The following CFAP54 variants were observed in gnomAD, a reference collection of about 807,000 sequenced individuals.
CFAP54 encodes the protein cilia and flagella associated protein 54.
A neutral mutation model predicts 370.4 loss-of-function variants in CFAP54; 290 were observed. The observed-to-expected ratio is 0.78, with a 90% confidence interval of 0.71 to 0.86. The LOEUF (loss-of-function observed/expected upper bound fraction) is 0.86, where lower values mean the gene tolerates loss of function less well. Ranked by LOEUF, CFAP54 falls within the 40% of genes least tolerant of loss-of-function variation. The pLI, the probability that CFAP54 is intolerant of heterozygous loss-of-function variation, is 0.00. For synonymous variants in CFAP54, 1,206 were observed against 1,236.5 expected (o/e 0.98, Z 0.52); for missense variants, 3,399 against 3,528.7 (o/e 0.96, Z 0.93).
At chr12:96,774,777 G>A (rs1958499216) in intron 60 of CFAP54, among the ~76,000 whole-genome samples, 1 of 151,832 alleles carries the variant, frequency 6.6e-6, no homozygotes, top group Admixed American at 6.6e-5. Context: ...CATCCCTTAG[G>A]GTGTTTTAAC....
At chr12:96,729,064 A>G (rs1255320281) in intron 50 of CFAP54, among the ~76,000 whole-genome samples, 2 of 152,112 alleles carry the variant, frequency 1.3e-5, no homozygotes, top group East Asian at 1.9e-4. Flanking sequence ...GTACCCGGCC[A>G]TGTGAGGTGT....
rs1045949002 is a variant in CFAP54, at chr12:96,512,991, A to G, written c.745A>G (p.Ile249Val). 4.8e-5 allele frequency: 73 copies of G among 1,516,314 alleles called. No individual in the cohort carries two copies. Among genetic ancestry groups the G allele is most frequent in the Middle Eastern group, 1.7e-4 (1 of 5,960 alleles). 93.9% of individuals were successfully genotyped at this position (1,516,314 alleles called of 1,614,324 possible). Reference protein sequence around the residue: ...HLCWIIFNGTIYIYTICRKLM... With the variant: ...HLCWIIFNGTVYIYTICRKLM... ...CAATCGTTTTCTCCATCCAGGTACC[A>G]TTTATATTTACACCATTTGCAGAAA... is the stretch of plus-strand genomic sequence containing the variant. The change falls in exon 5 of 68, where the codon ATT becomes GTT. Residue 249 changes from isoleucine to valine, a missense_variant. By Grantham distance (29) the Ile-to-Val change is conservative. Coordinates refer to ENST00000524981, the MANE Select transcript of CFAP54 (RefSeq NM_001306084.2).
At chr12:96,574,194 CCA>C (rs1404884972) in intron 19 of CFAP54, among the ~76,000 whole-genome samples, 1 of 152,190 alleles carries the variant, frequency 6.6e-6, no homozygotes, top group Admixed American at 6.5e-5. Context: ...GATCCTATCT[CCA>C]GTTTTTTACC....
chr12:96,577,526 A>G (rs1268523636), intron 20 of CFAP54, among the ~76,000 whole-genome samples: 1 of 152,110 alleles, frequency 6.6e-6, no homozygotes, highest in African/African-American at 2.4e-5. Flanking sequence ...AGTTATGTCA[A>G]CTTGGTATAG....
At chr12:96,626,507 G>T (rs1956550725) in intron 29 of CFAP54, among the ~76,000 whole-genome samples, 2 of 152,030 alleles carry the variant, frequency 1.3e-5, no homozygotes. Context: ...AGGATTACTA[G>T]TTATGATAAT....
intron 23 of CFAP54, among the ~76,000 whole-genome samples, chr12:96,590,022 C>T (rs1956110217): frequency 2.0e-5 from 3 of 152,224 alleles, no homozygotes; most frequent in South Asian, 4.1e-4. Context: ...GCCGAGATTA[C>T]AGGCATAAGC....
chr12:96,692,335 G>A (rs1957397309), intron 44 of CFAP54, among the ~76,000 whole-genome samples: 1 of 151,916 alleles, frequency 6.6e-6, no homozygotes, highest in Non-Finnish European at 1.5e-5. Context: ...CTATCCCCTG[G>A]GTAACCTTTA....
At chr12:96,543,576 T>C (rs1955602099) in intron 14 of CFAP54, among the ~76,000 whole-genome samples, 1 of 149,474 alleles carries the variant, frequency 6.7e-6, no homozygotes, top group African/African-American at 2.5e-5. Flanking sequence ...TTGGCTAGTC[T>C]GGTTATTTTT....
chr12:96,703,142 A>G (rs1592716227), intron 46 of CFAP54, among the ~76,000 whole-genome samples: 1 of 152,318 alleles, frequency 6.6e-6, no homozygotes, highest in East Asian at 1.9e-4. Flanking sequence ...TCGTTTTGGG[A>G]GGTTCCCTTA....
intron 26 of CFAP54, among the ~76,000 whole-genome samples, chr12:96,614,524 C>T (rs887126321): frequency 2.0e-5 from 3 of 152,090 alleles, no homozygotes; most frequent in Non-Finnish European, 4.4e-5. Flanking sequence ...GGCAATCAGG[C>T]AGGAGAAAGA....
At chr12:96,830,941 G>T (rs1376838218) in intron 66 of CFAP54, among the ~76,000 whole-genome samples, 1 of 152,092 alleles carries the variant, frequency 6.6e-6, no homozygotes, top group Non-Finnish European at 1.5e-5. Context: ...TTCCCAATGT[G>T]CTGGGATTAC....
chr12:96,729,781 G>A (rs977090222), intron 50 of CFAP54, among the ~76,000 whole-genome samples: 2 of 152,150 alleles, frequency 1.3e-5, no homozygotes, highest in Non-Finnish European at 2.9e-5. Context: ...CTTCTGCGTC[G>A]CTCACGCTGG....
At chr12:96,492,348 G>A (rs1308525031) in intron 1 of CFAP54, among the ~76,000 whole-genome samples, 3 of 152,052 alleles carry the variant, frequency 2.0e-5, no homozygotes, top group African/African-American at 7.2e-5. Context: ...TCTCTCTCAG[G>A]ACTTTCCAGA....
intron 60 of CFAP54, among the ~76,000 whole-genome samples, chr12:96,779,698 T>C (rs1199375875): frequency 1.3e-5 from 2 of 150,354 alleles, no homozygotes; most frequent in Non-Finnish European, 3.0e-5. Context: ...TTTCACTACC[T>C]GACCAATCAA....
In CFAP54 at chr12:96,594,411, A is replaced by G. The variant is rs1380924599; in HGVS notation, c.3481A>G (p.Ile1161Val). ...TQCYGLLAPI[I>V]YHNIVLVPVV... ...ATGTTATGGACTTCTTGCTCCCATA[A>G]TTTATCACAATATTGTTTTGGTACC... Residue 1161 changes from isoleucine (I) to valine (V), a missense_variant, in exon 25 of 68, where the codon ATT (isoleucine) becomes GTT (valine). Ile to Val is a conservative substitution (Grantham distance 29). Around this residue, in one of 3 missense-constraint regions of CFAP54, gnomAD observed 2,796 missense variants for 2,869.7 expected, o/e 0.97. Transcript: ENST00000524981. The G allele has an allele frequency of 6.5e-7, 1 of 1,533,858 alleles. No individual in the cohort carries two copies. Among genetic ancestry groups the G allele is most frequent in the African/African-American group, 1.4e-5 (1 of 72,988 alleles).
At chr12:96,767,271 A>G (rs571662930) in intron 60 of CFAP54, among the ~76,000 whole-genome samples, 113 of 152,346 alleles carry the variant, frequency 7.4e-4, no homozygotes, top group African/African-American at 2.6e-3. Flanking sequence ...TTCAGAGGAA[A>G]GAACCATAGA....
chr12:96,625,655 T>G (rs1956542248), intron 28 of CFAP54, 63 bp from the exon 29 acceptor site: 1 of 975,796 alleles, frequency 1.0e-6, no homozygotes. Flanking sequence ...TGTGAATTAC[T>G]CAAAAAATTT....
intron 39 of CFAP54, among the ~76,000 whole-genome samples, chr12:96,671,365 A>G (rs555024905): frequency 4.1e-4 from 63 of 151,944 alleles, no homozygotes; most frequent in Non-Finnish European, 7.9e-4. Flanking sequence ...ACTTCTCACC[A>G]TCTATTATAT....
Position 96,786,843 on chromosome 12 carries a change from GTC to G in CFAP54, c.8625_8626del (p.Cys2875Ter). 6.5e-7 allele frequency: 1 copy of G among 1,535,490 alleles called. No individual in the cohort carries two copies. ...GATGAATTTCCAAAAGAACTTCTTT[GTC>G]AACTGGAAAATCCCCCTCTTTCAGA... On this transcript the variant is annotated stop_gained and frameshift_variant, in exon 62 of 68. Transcript: ENST00000524981. LOFTEE classifies it high-confidence loss of function.
Sources: gnomAD v4.1 joint callset for allele counts (sites outside exome capture counted in the v4.1 genomes callset) on GRCh38, gnomAD v4.1.1 for gene constraint, gnomAD v4.1.1 regional missense constraint, MANE v1.5 for transcripts, NCBI Gene and HGNC (gene_info 2026-07-23, HGNC 2026-07-21) for gene names.